Variants in ADAMTS19 observed in about 807,000 individuals in gnomAD.
ADAMTS19 encodes the protein ADAM metallopeptidase with thrombospondin type 1 motif 19.
ADAMTS19 carries 93 observed loss-of-function variants against 153.3 expected under a neutral mutation model. That is an observed-to-expected ratio of 0.61 (90% CI 0.51 to 0.72). The LOEUF is 0.72. Among genes scored for constraint, ADAMTS19 ranks in the 30% least tolerant of loss-of-function variants. The pLI, the probability that ADAMTS19 is intolerant of heterozygous loss-of-function variation, is 0.00. For synonymous variants in ADAMTS19, 600 were observed against 556.6 expected, an observed-to-expected ratio of 1.08 and a Z score of -1.10; for missense variants, 1,482 against 1,552.1, an observed-to-expected ratio of 0.95 and a Z score of 0.76.
At chr5:129,490,851 AT>A (rs896362623) in intron 2 of ADAMTS19, among the ~76,000 whole-genome samples, 12 of 149,208 alleles carry the variant, frequency 8.0e-5, no homozygotes, top group East Asian at 3.9e-4. Flanking sequence ...TTGTTTTTCG[AT>A]TTTTTTTTTG....
chr5:129,665,979 G>C (rs1002825536), intron 16 of ADAMTS19, among the ~76,000 whole-genome samples: 1 of 144,266 alleles, frequency 6.9e-6, no homozygotes, highest in African/African-American at 2.7e-5. Flanking sequence ...ATGAATTTAT[G>C]TATATATATA....
rs929003928 is a variant in ADAMTS19 at position 129,512,553 on chromosome 5, C to T, written c.913+3311C>T. Among the ~76,000 whole-genome samples, 75 of 152,134 alleles carry T rather than the reference C, an allele frequency of 4.9e-4. 1 individual carries two copies. Among genetic ancestry groups the T allele is most frequent in the African/African-American group, 1.6e-3 (65 of 41,506 alleles). ...CTTCAATATGCATGATTTTCACAGA[C>T]AATGGATAACTTATATGGCAGAGTC... On this transcript the variant is annotated intron_variant, in intron 3 of 22. Transcript: ENST00000274487.
At chr5:129,581,710 T>G (rs562707647) in intron 7 of ADAMTS19, among the ~76,000 whole-genome samples, 68 of 152,190 alleles carry the variant, frequency 4.5e-4, no homozygotes, top group African/African-American at 1.6e-3. Flanking sequence ...GTTGTTGTTA[T>G]AACTTTTCCA....
intron 6 of ADAMTS19, among the ~76,000 whole-genome samples, chr5:129,549,573 A>T (rs1039647835): frequency 6.6e-6 from 1 of 151,732 alleles, no homozygotes; most frequent in East Asian, 1.9e-4. Flanking sequence ...CAAAAATTAG[A>T]ATCACAGGGA....
chr5:129,651,676 G>A (rs150138395), intron 13 of ADAMTS19, among the ~76,000 whole-genome samples: 9 of 152,088 alleles, frequency 5.9e-5, no homozygotes, highest in African/African-American at 1.9e-4. Flanking sequence ...TAGGAAGAAA[G>A]AATCCCTCTG....
chr5:129,669,214 G>A (rs1754190703), intron 16 of ADAMTS19, among the ~76,000 whole-genome samples: 1 of 152,034 alleles, frequency 6.6e-6, no homozygotes, highest in Admixed American at 6.6e-5. Context: ...AATGAAGTTG[G>A]ACCTTTGCCT....
In ADAMTS19 at chr5:129,499,118, G is replaced by A. The variant is rs555014726; in HGVS notation, c.748-9959G>A. Among the ~76,000 whole-genome samples, 332 of 151,914 alleles carry A rather than the reference G, an allele frequency of 2.2e-3. 1 individual carries two copies. The highest frequency in any genetic ancestry group is 7.4e-3 in the African/African-American group (307 of 41,484). ...AAGAAGTAGATTTTAAAATAAATTC[G>A]CTCCCTATATTTAACATGTTATTTC... is the stretch of plus-strand genomic sequence containing the variant. On this transcript the variant is annotated intron_variant, in intron 2 of 22. Transcript: ENST00000274487.
At position 129,694,825 on chromosome 5, in the gene ADAMTS19, G is replaced by T; in HGVS notation, c.2924G>T (p.Arg975Leu). The T allele has an allele frequency of 6.3e-7, 1 of 1,594,200 alleles. No homozygotes were observed. The highest frequency in any genetic ancestry group is 1.3e-5 in the African/African-American group (1 of 74,200). Reference sequence around the variant, plus strand: ...TTAACCAAGCCAGAGCCACAGATTCGAAAGTGCAATGAGCAACCATGTCAA... The same window carrying T: ...TTAACCAAGCCAGAGCCACAGATTCTAAAGTGCAATGAGCAACCATGTCAA... ...KYLTKPEPQI[R>L]KCNEQPCQTR... The change falls in exon 19 of 23, where the codon CGA becomes CTA. Residue 975 changes from arginine (R) to leucine (L), a missense_variant. Physicochemically the swap from Arg to Leu is moderately radical, Grantham distance 102 (BLOSUM62 -2). Coordinates refer to ENST00000274487, the MANE Select transcript of ADAMTS19 (RefSeq NM_133638.6).
At chr5:129,477,466 A>G (rs1041890514) in intron 2 of ADAMTS19, among the ~76,000 whole-genome samples, 1 of 152,198 alleles carries the variant, frequency 6.6e-6, no homozygotes, top group Non-Finnish European at 1.5e-5. Context: ...TAGTGGGCGG[A>G]AAGATGAAAG....
At chr5:129,679,659 T>G in intron 16 of ADAMTS19, 105 bp from the exon 17 acceptor site, 1 of 1,058,866 alleles carries the variant, frequency 9.4e-7, no homozygotes, top group Admixed American at 2.8e-5. Flanking sequence ...GTTGATCCAT[T>G]TGTTTGTAAA....
At chr5:129,656,721 A>T (rs1057393031) in intron 14 of ADAMTS19, among the ~76,000 whole-genome samples, 3 of 152,242 alleles carry the variant, frequency 2.0e-5, no homozygotes, top group Non-Finnish European at 4.4e-5. Context: ...TTTTATTTTT[A>T]AAATATATGA....
intron 7 of ADAMTS19, among the ~76,000 whole-genome samples, chr5:129,563,721 C>G (rs1384576612): frequency 1.3e-5 from 2 of 152,068 alleles, no homozygotes; most frequent in Non-Finnish European, 2.9e-5. Context: ...TAATGCACTG[C>G]TCAGTGATTA....
intron 7 of ADAMTS19, among the ~76,000 whole-genome samples, chr5:129,582,030 A>G (rs576520030): frequency 6.6e-6 from 1 of 152,024 alleles, no homozygotes; most frequent in Admixed American, 6.6e-5. Context: ...GATGTGGTGA[A>G]TTTTAGAATA....
intron 2 of ADAMTS19, among the ~76,000 whole-genome samples, chr5:129,478,352 G>T (rs1224216312): frequency 6.6e-6 from 1 of 152,098 alleles, no homozygotes; most frequent in Non-Finnish European, 1.5e-5. Context: ...TAATAATAAT[G>T]TGGGATACTC....
chr5:129,521,036 AGT>A (rs1321194808), intron 3 of ADAMTS19, among the ~76,000 whole-genome samples: 1 of 152,158 alleles, frequency 6.6e-6, no homozygotes. Flanking sequence ...AATGGAATCC[AGT>A]TTTCTCTTTT....
At chr5:129,641,171 T>G (rs748389770) in intron 10 of ADAMTS19, among the ~76,000 whole-genome samples, 3 of 152,180 alleles carry the variant, frequency 2.0e-5, no homozygotes, top group Non-Finnish European at 4.4e-5. Flanking sequence ...CTGTCTAAGG[T>G]TTTTGACAAT....
At chr5:129,633,267 A>C (rs1752386757) in intron 10 of ADAMTS19, among the ~76,000 whole-genome samples, 1 of 152,110 alleles carries the variant, frequency 6.6e-6, no homozygotes, top group African/African-American at 2.4e-5. Context: ...TTCATTTATT[A>C]CAAGCCAATT....
intron 8 of ADAMTS19, among the ~76,000 whole-genome samples, chr5:129,603,971 C>A (rs1750781071): frequency 1.3e-5 from 2 of 152,140 alleles, no homozygotes; most frequent in Non-Finnish European, 2.9e-5. Flanking sequence ...CCCACTTTAT[C>A]TCTTCAGCCA....
chr5:129,707,378 T>C (rs1158903333), intron 21 of ADAMTS19, among the ~76,000 whole-genome samples: 14 of 152,236 alleles, frequency 9.2e-5, no homozygotes, highest in Admixed American at 9.2e-4. Context: ...TTTCGGACTT[T>C]ATATGAATAT....
Sources: allele counts gnomAD v4.1 joint callset (sites outside exome capture counted in the v4.1 genomes callset), GRCh38; gene constraint gnomAD v4.1.1; transcripts MANE v1.5; gene names NCBI Gene and HGNC (gene_info 2026-07-23, HGNC 2026-07-21).